ANKRD16: variants seen among roughly 807,000 people sequenced by gnomAD.
ANKRD16 encodes ankyrin repeat domain-containing protein 16.
In ANKRD16, 35 loss-of-function variants were observed where a neutral mutation model predicts 37.9. The observed-to-expected ratio is 0.92, with a 90% CI of 0.71 to 1.23. The LOEUF (loss-of-function observed/expected upper bound fraction) is 1.23. ANKRD16 is among the 50% of genes most tolerant of loss of function. ANKRD16 has a pLI of 0.00. For missense variants in ANKRD16, 480 were observed against 469.9 expected (o/e 1.02, Z -0.20); for synonymous variants, 206 against 197.2 (o/e 1.04, Z -0.37).
chr10:5,877,223 G>C (rs907805475), intron 7 of ANKRD16, among the ~76,000 whole-genome samples: 1 of 151,972 alleles, frequency 6.6e-6, no homozygotes. Flanking sequence ...GGCAATTCTC[G>C]GGCCTCAGCC....
intron 2 of ANKRD16, among the ~76,000 whole-genome samples, chr10:5,886,661 C>A (rs1037533097): frequency 6.6e-6 from 1 of 152,158 alleles, no homozygotes; most frequent in African/African-American, 2.4e-5. Flanking sequence ...AAACTAAAAG[C>A]CCTCTATCCT....
chr10:5,889,508 CT>C lies in ANKRD16; in HGVS notation c.-155del. The C allele has an allele frequency of 2.2e-6, 1 of 450,044 alleles. No individual in the cohort carries two copies. Among genetic ancestry groups the C allele is most frequent in the Non-Finnish European group, 3.2e-6 (1 of 309,142 alleles). The allele number at this position is 450,044 out of a possible 1,614,324, so 27.9% of individuals were successfully genotyped here. A position where few individuals can be genotyped will look rare whatever the true frequency, so the allele number is the denominator to read the frequency against. On this transcript the variant is annotated 5_prime_UTR_variant, in exon 1 of 8. Transcript: ENST00000380094. ...GCAGAACCGCCCCTCACGCCCCCGG[CT>C]TTGTCCCCGGCAGAGCCGCCTCCTC...
rs1842473264 is a variant in ANKRD16 at position 5,887,977 on chromosome 10, T to C, written c.405A>G (p.Lys135=). ...CAATGTGGAAACTGTTCCAGCCATC[T>C]TTGTTCTTCAGGAGTGGATTGGCGC... ...EHGANPLLKN[K]DGWNSFHIAS... The change falls in exon 2 of 8, where the codon AAA becomes AAG. Residue 135 remains lysine, a synonymous_variant. Transcript: ENST00000380094. 1.9e-6 allele frequency: 3 copies of C among 1,614,210 alleles called. No individual in the cohort carries two copies. Among genetic ancestry groups the C allele is most frequent in the Non-Finnish European group, 2.5e-6 (3 of 1,180,022 alleles).
intron 7 of ANKRD16, among the ~76,000 whole-genome samples, chr10:5,877,269 C>T (rs893353106): frequency 4.6e-5 from 7 of 152,222 alleles, no homozygotes; most frequent in African/African-American, 1.4e-4. Flanking sequence ...TGCACCAGCA[C>T]AGCTGGCTAA....
rs976188296 is a variant in ANKRD16, at chr10:5,874,472, G to C, written c.*33+3625C>G. Among the ~76,000 whole-genome samples, 2 of 152,206 alleles carry C rather than the reference G, an allele frequency of 1.3e-5. No individual in the cohort carries two copies. The highest frequency in any genetic ancestry group is 2.9e-5 in the Non-Finnish European group (2 of 68,024). Reference sequence around the variant, plus strand: ...GCCACTCTCTAGGAGGAGAGTGAGAGAGCTTGGGCAGGAGTCGCAGTAGGG... The same window carrying C: ...GCCACTCTCTAGGAGGAGAGTGAGACAGCTTGGGCAGGAGTCGCAGTAGGG... On this transcript the variant is annotated intron_variant, in intron 7 of 7. Coordinates refer to ENST00000380094, the MANE Select transcript of ANKRD16 (RefSeq NM_019046.3). The surrounding 1 kb of genome is among the most constrained non-coding windows in gnomAD (Gnocchi z 4.7).
chr10:5,884,376 G>A (rs1842378054), intron 3 of ANKRD16, among the ~76,000 whole-genome samples: 1 of 152,128 alleles, frequency 6.6e-6, no homozygotes, highest in South Asian at 2.1e-4. Flanking sequence ...TGCCTTTCCT[G>A]CATCCTTCAT....
At chr10:5,882,221 G>A (rs1239757241) in intron 5 of ANKRD16, among the ~76,000 whole-genome samples, 1 of 152,062 alleles carries the variant, frequency 6.6e-6, no homozygotes, top group Admixed American at 6.5e-5. Flanking sequence ...TCGAAAGCAG[G>A]ACATCAGGCA....
At chr10:5,879,956 C>T (rs1422635687) in intron 6 of ANKRD16, among the ~76,000 whole-genome samples, 1 of 151,910 alleles carries the variant, frequency 6.6e-6, no homozygotes, top group African/African-American at 2.4e-5. Flanking sequence ...GTCAGGAGTT[C>T]AAGACCAGCC....
At position 5,881,973 on chromosome 10, in the gene ANKRD16, C is replaced by T. The variant is rs573607994; in HGVS notation, c.849+1033G>A. On this transcript the variant is annotated intron_variant, in intron 5 of 7. Coordinates refer to ENST00000380094, the MANE Select transcript of ANKRD16 (RefSeq NM_019046.3). ...AAGTGCTGGGATTACAGGCTTGAGC[C>T]ACTGCGCCTGGCCGGTCTCGATCTC... Among the ~76,000 whole-genome samples the T allele has an allele frequency of 6.6e-5, 10 of 152,178 alleles. No homozygotes were observed. The South Asian group carries it at 2.1e-3, about 32-fold the overall frequency.
rs886906688 is a variant in ANKRD16 at position 5,866,273 on chromosome 10, A to G, written c.*34-3582T>C. Reference sequence around the variant, plus strand: ...TCGAGCATGACTGCCAACAAGTTATAGTCCAGACTTATGCTGCCCGAGATG... The same window carrying G: ...TCGAGCATGACTGCCAACAAGTTATGGTCCAGACTTATGCTGCCCGAGATG... On this transcript the variant is annotated intron_variant, in intron 7 of 7. Transcript: ENST00000380094. The surrounding 1 kb of genome is among the most constrained non-coding windows in gnomAD (Gnocchi z 4.3). Among the ~76,000 whole-genome samples the G allele has an allele frequency of 3.9e-5, 6 of 152,226 alleles. No individual in the cohort carries two copies. The highest frequency in any genetic ancestry group is 1.9e-4 in the East Asian group (1 of 5,200).
intron 1 of ANKRD16, 139 bp downstream of exon 1, chr10:5,888,902 C>A: frequency 1.1e-6 from 1 of 912,244 alleles, no homozygotes; most frequent in Non-Finnish European, 1.5e-6. Context: ...GGCAGGAGGT[C>A]CCTGCCGCTG....
rs1316606575 is a variant in ANKRD16, at chr10:5,863,574, A to C, written c.*34-883T>G. On this transcript the variant is annotated intron_variant, in intron 7 of 7. Transcript: ENST00000380094. The surrounding 1 kb of genome is among the most constrained non-coding windows in gnomAD (Gnocchi z 4.7). ...GACGTGGGCGGGGACAAATAAGAGA[A>C]TAAAAGCTGGCCACCCCCTGCCAGC... is the stretch of plus-strand genomic sequence containing the variant. Among the ~76,000 whole-genome samples, 1 of 152,128 alleles carries C rather than the reference A, an allele frequency of 6.6e-6. No homozygotes were observed.
At chr10:5,882,362 T>C in intron 5 of ANKRD16, among the ~76,000 whole-genome samples, 1 of 151,612 alleles carries the variant, frequency 6.6e-6, no homozygotes, top group Middle Eastern at 3.2e-3. Context: ...GCCAACGTGG[T>C]GAAACCCCGT....
intron 7 of ANKRD16, among the ~76,000 whole-genome samples, chr10:5,876,788 T>C (rs1281560025): frequency 6.6e-6 from 1 of 152,202 alleles, no homozygotes; most frequent in African/African-American, 2.4e-5. Context: ...TCAATGTTGC[T>C]TGTGACTGAT....
At position 5,878,725 on chromosome 10, in the gene ANKRD16, G is replaced by A. The variant is rs1031337698; in HGVS notation, c.929-438C>T. Among the ~76,000 whole-genome samples, 1 of 151,796 alleles carries A rather than the reference G, an allele frequency of 6.6e-6. No individual in the cohort carries two copies. The highest frequency in any genetic ancestry group is 1.5e-5 in the Non-Finnish European group (1 of 67,976). ...AGGCAGGAAAATCGCTTGAACCCAG[G>A]AGGTGGCGGTTGCAGTGAGCACTGC... On this transcript the variant is annotated intron_variant, in intron 6 of 7. Coordinates refer to ENST00000380094, the MANE Select transcript of ANKRD16 (RefSeq NM_019046.3). The surrounding 1 kb of genome is among the most constrained non-coding windows in gnomAD (Gnocchi z 5.1).
rs1450732651 is a variant in ANKRD16 at position 5,878,866 on chromosome 10, C to T, written c.929-579G>A. On this transcript the variant is annotated intron_variant, in intron 6 of 7. Coordinates refer to ENST00000380094, the MANE Select transcript of ANKRD16 (RefSeq NM_019046.3). This position sits in a 1 kb window ranked among gnomAD's most constrained non-coding sequence, Gnocchi z 5.1. ...GTTAACAAGATATAGGATACATCCT[C>T]TTCATACGCCTGAATGCTCTGGAAA... Among the ~76,000 whole-genome samples, 2 of 152,094 alleles carry T rather than the reference C, an allele frequency of 1.3e-5. No homozygotes were observed. The highest frequency in any genetic ancestry group is 4.8e-5 in the African/African-American group (2 of 41,430).
In ANKRD16 at chr10:5,866,848, A is replaced by T. The variant is rs750078562; in HGVS notation, c.*34-4157T>A. Among the ~76,000 whole-genome samples the T allele has an allele frequency of 6.6e-6, 1 of 152,140 alleles. No homozygotes were observed. Among genetic ancestry groups the T allele is most frequent in the Non-Finnish European group, 1.5e-5 (1 of 68,012 alleles). ...GAGGGAGACAGAGAGAGGAAGAGAC[A>T]GAGAGGCTGAAAGTCAAAGAGAGAA... is the stretch of plus-strand genomic sequence containing the variant. On this transcript the variant is annotated intron_variant, in intron 7 of 7. Coordinates refer to ENST00000380094, the MANE Select transcript of ANKRD16 (RefSeq NM_019046.3). This position sits in a 1 kb window ranked among gnomAD's most constrained non-coding sequence, Gnocchi z 4.3.
intron 7 of ANKRD16, among the ~76,000 whole-genome samples, chr10:5,867,725 G>A (rs575814332): frequency 5.3e-5 from 8 of 152,304 alleles, no homozygotes; most frequent in African/African-American, 1.9e-4. Context: ...AATGGCCACT[G>A]CTACAGGAAC....
In ANKRD16 at chr10:5,879,312, A is replaced by G. The variant is rs529983152; in HGVS notation, c.928+986T>C. On this transcript the variant is annotated intron_variant, in intron 6 of 7. Transcript: ENST00000380094. ...AACATGGTGAAACCCTGTCTCTACT[A>G]AAAATACAAAAATTAGCTGGGCATG... 2.2e-3 allele frequency among the ~76,000 whole-genome samples: 337 copies of G among 152,194 alleles called. 1 individual carries two copies. Among genetic ancestry groups the G allele is most frequent in the African/African-American group, 7.6e-3 (317 of 41,496 alleles).
Sources: gnomAD v4.1 joint callset for allele counts (sites outside exome capture counted in the v4.1 genomes callset) on GRCh38, gnomAD v4.1.1 for gene constraint, Gnocchi (gnomAD v3.1) non-coding constraint, MANE v1.5 for transcripts, NCBI Gene and HGNC (gene_info 2026-07-23, HGNC 2026-07-21) for gene names.